The following SHISA9 variants were observed in gnomAD, a reference collection of about 807,000 sequenced individuals.
The protein encoded by SHISA9 is protein shisa-9.
In SHISA9, 13 loss-of-function variants were observed where a neutral mutation model predicts 38.0. That is an observed-to-expected ratio of 0.34 (90% CI 0.22 to 0.54). The LOEUF is 0.54. SHISA9 is among the 20% of genes least tolerant of loss of function. The probability of loss-of-function intolerance (pLI) is 0.91; values close to 1 mark genes in which losing one functional copy is unlikely to be tolerated. For synonymous variants in SHISA9, 275 were observed against 242.0 expected (o/e 1.14, Z -1.27); for missense variants, 538 against 575.8 (o/e 0.93, Z 0.67).
At chr16:13,398,479 G>A in the SHISA9 span, among the ~76,000 whole-genome samples, 1 of 150,520 alleles carries the variant, frequency 6.6e-6, no homozygotes, top group Non-Finnish European at 1.5e-5. Flanking sequence ...CACAAGGGTA[G>A]CTACCAATGT....
the SHISA9 span, among the ~76,000 whole-genome samples, chr16:13,511,701 T>C: frequency 1.3e-5 from 2 of 152,034 alleles, no homozygotes; most frequent in African/African-American, 4.8e-5. Context: ...TCCAGTAATT[T>C]CTCTGAATTG....
chr16:13,245,404 AT>A (rs1195860888), downstream of SHISA9, among the ~76,000 whole-genome samples: 1 of 152,200 alleles, frequency 6.6e-6, no homozygotes, highest in Non-Finnish European at 1.5e-5. Context: ...CTACTTACCT[AT>A]TCTCTTCATG....
chr16:13,469,209 T>G, the SHISA9 span, among the ~76,000 whole-genome samples: 2 of 145,574 alleles, frequency 1.4e-5, no homozygotes, highest in African/African-American at 5.1e-5. Flanking sequence ...GCCACTGCAC[T>G]CCAACCTGGG....
At chr16:13,053,475 G>T (rs1216260166) in intron 2 of SHISA9, among the ~76,000 whole-genome samples, 1 of 152,160 alleles carries the variant, frequency 6.6e-6, no homozygotes, top group African/African-American at 2.4e-5. Context: ...TTCTGCAGCA[G>T]TCCAACTGTT....
At position 12,906,486 on chromosome 16, in the gene SHISA9, G is replaced by C. The variant is rs112814657; in HGVS notation, c.563+3859G>C. ...TGGGGGGAGGCTCGCATGGGATCTC[G>C]TAAGAACCGAACAAATGCCCATTGA... is the stretch of plus-strand genomic sequence containing the variant. On this transcript the variant is annotated intron_variant, in intron 1 of 4. Coordinates refer to ENST00000558583, the MANE Select transcript of SHISA9 (RefSeq NM_001145204.3). 2.3e-4 allele frequency among the ~76,000 whole-genome samples: 35 copies of C among 152,178 alleles called. No homozygotes were observed. In the East Asian group the frequency reaches 6.2e-3, roughly 27 times the overall value.
intron 2 of SHISA9, among the ~76,000 whole-genome samples, chr16:13,132,569 C>G (rs557401574): frequency 6.6e-6 from 1 of 152,202 alleles, no homozygotes; most frequent in East Asian, 1.9e-4. Context: ...TCTGTGACAA[C>G]CAAAATATGT....
At chr16:13,246,850 T>TAA in the SHISA9 span, among the ~76,000 whole-genome samples, 1 of 150,516 alleles carries the variant, frequency 6.6e-6, no homozygotes, top group Non-Finnish European at 1.5e-5. Flanking sequence ...TCTGACTATT[T>TAA]AAAAAAAAAC....
the SHISA9 span, among the ~76,000 whole-genome samples, chr16:13,503,770 G>T: frequency 6.6e-6 from 1 of 152,142 alleles, no homozygotes; most frequent in African/African-American, 2.4e-5. Context: ...ATTTTAAGGC[G>T]TGGATGTAAT....
At chr16:13,242,892 G>T (rs2051445400), downstream of SHISA9, among the ~76,000 whole-genome samples, 1 of 152,162 alleles carries the variant, frequency 6.6e-6, no homozygotes, top group African/African-American at 2.4e-5. Context: ...TTGAGCACTT[G>T]CCAGGTACTC....
the SHISA9 span, among the ~76,000 whole-genome samples, chr16:13,517,194 C>G: frequency 1.3e-5 from 2 of 152,118 alleles, no homozygotes; most frequent in Admixed American, 1.3e-4. Context: ...AGTGATGCAT[C>G]TACAAGCCCA....
At chr16:13,495,196 C>T in the SHISA9 span, among the ~76,000 whole-genome samples, 1 of 152,232 alleles carries the variant, frequency 6.6e-6, no homozygotes, top group East Asian at 1.9e-4. Context: ...GAATGATACA[C>T]ATATGCACAC....
intron 1 of SHISA9, chr16:12,911,525 ATAT>A (rs1252867041): frequency 2.0e-5 from 7 of 342,802 alleles, no homozygotes; most frequent in African/African-American, 8.9e-5. Context: ...GGTGAAATAA[ATAT>A]TATTTGAAAA....
chr16:13,280,415 C>A, the SHISA9 span, among the ~76,000 whole-genome samples: 1 of 151,576 alleles, frequency 6.6e-6, no homozygotes, highest in Non-Finnish European at 1.5e-5. Flanking sequence ...TTATTATTTT[C>A]TGACTTGTTC....
chr16:12,970,893 T>C (rs1318589240), intron 2 of SHISA9, among the ~76,000 whole-genome samples: 1 of 152,076 alleles, frequency 6.6e-6, no homozygotes, highest in Non-Finnish European at 1.5e-5. Flanking sequence ...TCTATTTCAT[T>C]CACTTACTGT....
At chr16:13,209,973 TGCC>T (rs548268509) in intron 3 of SHISA9, among the ~76,000 whole-genome samples, 90 of 152,228 alleles carry the variant, frequency 5.9e-4, no homozygotes, top group African/African-American at 2.0e-3. Context: ...TGGTGGCACA[TGCC>T]TGTAGTCTCA....
intron 2 of SHISA9, among the ~76,000 whole-genome samples, chr16:13,070,361 T>C (rs978424200): frequency 2.8e-4 from 42 of 152,344 alleles, no homozygotes; most frequent in African/African-American, 9.9e-4. Context: ...ACAGGAGTAC[T>C]GGTTGCCTAG....
intron 4 of SHISA9, among the ~76,000 whole-genome samples, chr16:13,227,982 A>G (rs902789638): frequency 4.6e-5 from 7 of 152,250 alleles, no homozygotes; most frequent in African/African-American, 1.7e-4. Context: ...GGCAGGGAAT[A>G]GGTAAAATAT....
chr16:13,235,583 C>T lies in SHISA9; in HGVS notation c.*174C>T. 1 of 810,258 alleles carries T rather than the reference C, an allele frequency of 1.2e-6. No homozygotes were observed. The highest frequency in any genetic ancestry group is 1.9e-6 in the Non-Finnish European group (1 of 537,538). The allele number at this position is 810,258 out of a possible 1,614,324, so 50.2% of individuals were successfully genotyped here. A position where few individuals can be genotyped will look rare whatever the true frequency, so the allele number is the denominator to read the frequency against. On this transcript the variant is annotated 3_prime_UTR_variant, in exon 5 of 5. Coordinates refer to ENST00000558583, the MANE Select transcript of SHISA9 (RefSeq NM_001145204.3). ...GAGTCGCGCTTTTCCTAGGTCATGC[C>T]TGTAACGTGTCGGCGGGCAGCTGAG...
intron 2 of SHISA9, among the ~76,000 whole-genome samples, chr16:12,989,418 T>G (rs2072355571): frequency 6.6e-6 from 1 of 152,128 alleles, no homozygotes; most frequent in Non-Finnish European, 1.5e-5. Flanking sequence ...CCTCAAGTGA[T>G]CTGCCTGCCT....
Sources: allele counts gnomAD v4.1 joint callset (sites outside exome capture counted in the v4.1 genomes callset), GRCh38; gene constraint gnomAD v4.1.1; transcripts MANE v1.5; gene names NCBI Gene and HGNC (gene_info 2026-07-23, HGNC 2026-07-21).